The following DKK3 variants were observed in gnomAD, a reference collection of about 807,000 sequenced individuals.
DKK3 encodes the protein dickkopf-related protein 3.
In DKK3, 22 loss-of-function variants were observed where a neutral mutation model predicts 33.2. The ratio of observed to expected loss-of-function variants is 0.66; its 90% confidence interval spans 0.47 to 0.95. DKK3 has a LOEUF of 0.95. Among genes scored for constraint, DKK3 ranks in the 40% least tolerant of loss-of-function variants. The pLI, the probability that DKK3 is intolerant of heterozygous loss-of-function variation, is 0.00. For synonymous variants in DKK3, 194 were observed against 188.8 expected, an observed-to-expected ratio of 1.03 and a Z score of -0.23; for missense variants, 398 against 458.4, an observed-to-expected ratio of 0.87 and a Z score of 1.20.
chr11:11,969,354 C>T (rs1280965768), intron 3 of DKK3, among the ~76,000 whole-genome samples: 1 of 152,146 alleles, frequency 6.6e-6, no homozygotes, highest in South Asian at 2.1e-4. Flanking sequence ...GGCCATTGAT[C>T]GCCCTTTTGA....
chr11:12,000,180 TTTTGTTTGTTTGTTTG>T (rs55683428), intron 2 of DKK3, among the ~76,000 whole-genome samples: 50 of 151,404 alleles, frequency 3.3e-4, no homozygotes, highest in African/African-American at 7.0e-4. Flanking sequence ...GACTAGTGTT[TTTTGTTTGTTTGTTTG>T]TTTGTTTGTT....
intron 3 of DKK3, among the ~76,000 whole-genome samples, chr11:11,971,344 C>T (rs1847721330): frequency 6.6e-6 from 1 of 152,144 alleles, no homozygotes; most frequent in African/African-American, 2.4e-5. Flanking sequence ...GGGTTAGAAC[C>T]ATAAACAAAA....
chr11:11,980,085 T>C (rs1396531095), intron 3 of DKK3, among the ~76,000 whole-genome samples: 1 of 152,186 alleles, frequency 6.6e-6, no homozygotes, highest in Non-Finnish European at 1.5e-5. Flanking sequence ...CGGGAACCCA[T>C]GACTTCCCTT....
intron 1 of DKK3, among the ~76,000 whole-genome samples, chr11:12,003,344 G>A (rs1564926318): frequency 6.6e-6 from 1 of 152,194 alleles, no homozygotes; most frequent in East Asian, 1.9e-4. Context: ...AGGGACCCTT[G>A]TAGAGGGTCA....
At chr11:11,993,752 A>G (rs924403237) in intron 3 of DKK3, among the ~76,000 whole-genome samples, 1 of 152,198 alleles carries the variant, frequency 6.6e-6, no homozygotes, top group Admixed American at 6.5e-5. Context: ...AATGTACCCA[A>G]ACTCTGTGTG....
chr11:12,001,174 G>A (rs1848419249), intron 2 of DKK3, among the ~76,000 whole-genome samples: 1 of 152,194 alleles, frequency 6.6e-6, no homozygotes, highest in Admixed American at 6.5e-5. Flanking sequence ...CTTGATATTG[G>A]TTTTGACAAG....
chr11:11,973,386 C>T (rs1234387154), intron 3 of DKK3, among the ~76,000 whole-genome samples: 1 of 152,216 alleles, frequency 6.6e-6, no homozygotes, highest in Non-Finnish European at 1.5e-5. Context: ...CTCTGGGCCC[C>T]ATGCATCCCC....
At chr11:11,988,332 G>T (rs1848113337) in intron 3 of DKK3, among the ~76,000 whole-genome samples, 1 of 152,158 alleles carries the variant, frequency 6.6e-6, no homozygotes, top group Non-Finnish European at 1.5e-5. Flanking sequence ...TGCCTGATTG[G>T]AGAGACCAGC....
chr11:11,964,991 G>GCC (rs1326685760), intron 6 of DKK3, among the ~76,000 whole-genome samples: 1 of 152,212 alleles, frequency 6.6e-6, no homozygotes, highest in Non-Finnish European at 1.5e-5. Context: ...CAGCACCACA[G>GCC]CCCCTCAAAG....
At chr11:11,999,340 C>G (rs534577986) in intron 2 of DKK3, among the ~76,000 whole-genome samples, 1 of 152,322 alleles carries the variant, frequency 6.6e-6, no homozygotes, top group East Asian at 1.9e-4. Flanking sequence ...CATCTCAAAG[C>G]TAAGTCTAAC....
intron 3 of DKK3, among the ~76,000 whole-genome samples, chr11:11,983,151 A>G (rs79318530): frequency 0.065 from 9,906 of 152,228 alleles, 667 homozygotes; most frequent in African/African-American, 0.16. Flanking sequence ...GATTGACTCA[A>G]TTGGTTTCTT....
intron 2 of DKK3, among the ~76,000 whole-genome samples, chr11:12,000,853 T>C (rs1848411653): frequency 6.6e-6 from 1 of 152,172 alleles, no homozygotes. Context: ...AGTTGAGAAC[T>C]ACTGCACTGT....
upstream of DKK3, chr11:12,008,808 C>A (rs900713806): frequency 3.4e-6 from 4 of 1,180,374 alleles, no homozygotes; most frequent in Non-Finnish European, 4.2e-6. The surrounding 1 kb of genome is among the most constrained non-coding windows in gnomAD (Gnocchi z 4.6). Flanking sequence ...CCAGCCCGAG[C>A]CCCGATCGCC....
chr11:12,006,535 G>A (rs1475458008), intron 1 of DKK3, among the ~76,000 whole-genome samples: 3 of 152,178 alleles, frequency 2.0e-5, no homozygotes, highest in Non-Finnish European at 4.4e-5. Flanking sequence ...GGACACCTCT[G>A]GGAAAGAGTG....
At chr11:11,998,927 C>CA (rs1461213689) in intron 2 of DKK3, 148 bp from the exon 3 acceptor site, 5 of 682,624 alleles carry the variant, frequency 7.3e-6, no homozygotes, top group Non-Finnish European at 1.3e-5. Context: ...TTCTGAGTTC[C>CA]CCCAGCAGCT....
intron 6 of DKK3, among the ~76,000 whole-genome samples, chr11:11,965,411 G>C (rs1403658481): frequency 6.6e-6 from 1 of 152,222 alleles, no homozygotes; most frequent in Non-Finnish European, 1.5e-5. Context: ...GCCTCAGACA[G>C]TGTGGGCTGC....
At chr11:12,006,697 G>A (rs1404280461) in intron 1 of DKK3, among the ~76,000 whole-genome samples, 1 of 152,148 alleles carries the variant, frequency 6.6e-6, no homozygotes, top group Non-Finnish European at 1.5e-5. Flanking sequence ...GGTCCTGCAG[G>A]GCCCCACACT....
intron 3 of DKK3, among the ~76,000 whole-genome samples, chr11:11,983,974 T>G (rs993266111): frequency 6.6e-6 from 1 of 152,180 alleles, no homozygotes; most frequent in Admixed American, 6.5e-5. Flanking sequence ...TTATCTACAA[T>G]GGTGGGGATG....
chr11:11,988,883 T>G (rs1848128673), intron 3 of DKK3, among the ~76,000 whole-genome samples: 1 of 152,190 alleles, frequency 6.6e-6, no homozygotes, highest in Non-Finnish European at 1.5e-5. Context: ...TGGCATCAGT[T>G]AAGCTTTAAA....
Sources: allele counts gnomAD v4.1 joint callset (sites outside exome capture counted in the v4.1 genomes callset), GRCh38; gene constraint gnomAD v4.1.1; non-coding constraint Gnocchi (gnomAD v3.1); transcripts MANE v1.5; gene names NCBI Gene and HGNC (gene_info 2026-07-23, HGNC 2026-07-21).